SIL1: variants seen among roughly 807,000 people sequenced by gnomAD.
The protein encoded by SIL1 is nucleotide exchange factor SIL1.
SIL1 carries 40 observed loss-of-function variants against 49.1 expected under a neutral mutation model. That is an observed-to-expected ratio of 0.81 (90% confidence interval 0.63 to 1.06). The LOEUF (loss-of-function observed/expected upper bound fraction) is 1.06, where lower values mean the gene tolerates loss of function less well. SIL1 is among the 50% of genes least tolerant of loss of function. The pLI is 0.00. For missense variants in SIL1, 500 were observed against 572.6 expected, an observed-to-expected ratio of 0.87 and a Z score of 1.29; for synonymous variants, 253 against 250.8, an observed-to-expected ratio of 1.01 and a Z score of -0.08.
intron 7 of SIL1, among the ~76,000 whole-genome samples, chr5:139,008,827 T>C (rs1254377572): frequency 7.9e-5 from 12 of 152,298 alleles, no homozygotes; most frequent in Non-Finnish European, 1.3e-4. Context: ...GTCTGAGAGA[T>C]AGTTTGTTAT....
chr5:139,135,709 CAAA>C (rs34039650), intron 1 of SIL1, among the ~76,000 whole-genome samples: 2 of 96,350 alleles, frequency 2.1e-5, no homozygotes, highest in Non-Finnish European at 2.1e-5. Flanking sequence ...AACAAACTAG[CAAA>C]AAAAAAAAAA....
chr5:139,017,748 C>A (rs114836356), intron 7 of SIL1, among the ~76,000 whole-genome samples: 1 of 152,134 alleles, frequency 6.6e-6, no homozygotes, highest in African/African-American at 2.4e-5. Context: ...TTACAGAAGG[C>A]TGCCTGGCCT....
At chr5:139,164,699 G>A (rs1030916528) in intron 1 of SIL1, among the ~76,000 whole-genome samples, 3 of 152,194 alleles carry the variant, frequency 2.0e-5, no homozygotes, top group African/African-American at 7.2e-5. Context: ...AAGAAACTAA[G>A]TCACAGAAGT....
intron 7 of SIL1, among the ~76,000 whole-genome samples, chr5:138,992,974 A>G (rs1460960280): frequency 6.6e-6 from 1 of 152,246 alleles, no homozygotes; most frequent in East Asian, 1.9e-4. Context: ...TGTAACTGAA[A>G]GCTAGCTGAG....
chr5:139,155,478 A>AGAGAGAGAGAGAT (rs58862003), intron 1 of SIL1: 1 of 149,522 alleles, frequency 6.7e-6, no homozygotes, highest in Non-Finnish European at 1.5e-5. Context: ...AGAGAGAGAG[A>AGAGAGAGAGAGAT]ACGAGCTCTC....
intron 7 of SIL1, among the ~76,000 whole-genome samples, chr5:138,957,251 C>T (rs1766921880): frequency 6.6e-6 from 1 of 151,950 alleles, no homozygotes; most frequent in Non-Finnish European, 1.5e-5. Flanking sequence ...TTTCCTGAAA[C>T]CATTTCAGAC....
intron 1 of SIL1, among the ~76,000 whole-genome samples, chr5:139,144,830 CA>C (rs1746821936): frequency 6.6e-6 from 1 of 151,938 alleles, no homozygotes; most frequent in Non-Finnish European, 1.5e-5. Flanking sequence ...GAGACTGAGC[CA>C]CTGCACTCCA....
chr5:139,184,715 A>G (rs1334368490), intron 1 of SIL1, among the ~76,000 whole-genome samples: 1 of 152,190 alleles, frequency 6.6e-6, no homozygotes, highest in Non-Finnish European at 1.5e-5. Context: ...GGATGTCATA[A>G]GAATCAGACT....
chr5:139,196,011 C>G (rs1349086836), intron 1 of SIL1, among the ~76,000 whole-genome samples: 1 of 152,002 alleles, frequency 6.6e-6, no homozygotes, highest in Non-Finnish European at 1.5e-5. Flanking sequence ...ACAGCGAGAC[C>G]CTGTCTCTAC....
chr5:138,967,769 G>GC (rs1412300175), intron 7 of SIL1, among the ~76,000 whole-genome samples: 15 of 152,020 alleles, frequency 9.9e-5, no homozygotes, highest in Admixed American at 5.9e-4. Context: ...GGGAACAGCA[G>GC]CCCCCCCAGG....
intron 7 of SIL1, among the ~76,000 whole-genome samples, chr5:138,956,580 C>T (rs6864099): frequency 1.7e-4 from 26 of 151,970 alleles, no homozygotes; most frequent in African/African-American, 6.3e-4. Context: ...CCCGTCTCTA[C>T]TAAAAATACA....
intron 7 of SIL1, among the ~76,000 whole-genome samples, chr5:138,965,652 G>A (rs1767123621): frequency 7.2e-6 from 1 of 138,118 alleles, no homozygotes; most frequent in African/African-American, 2.7e-5. Context: ...CTGAGGGGCA[G>A]GAGATCCTGG....
At chr5:139,157,852 A>C (rs1363743346) in intron 1 of SIL1, among the ~76,000 whole-genome samples, 2 of 152,158 alleles carry the variant, frequency 1.3e-5, no homozygotes, top group African/African-American at 4.8e-5. Context: ...AATGTAGTAC[A>C]ATAATAGTTA....
chr5:139,195,545 G>A (rs545908501), intron 1 of SIL1, among the ~76,000 whole-genome samples: 2 of 152,070 alleles, frequency 1.3e-5, no homozygotes, highest in Admixed American at 6.5e-5. Context: ...CCACCACCTC[G>A]CCCGGGTAAT....
intron 2 of SIL1, among the ~76,000 whole-genome samples, chr5:139,126,615 G>C (rs1202486724): frequency 2.6e-5 from 4 of 152,162 alleles, no homozygotes; most frequent in South Asian, 4.1e-4. Flanking sequence ...TGTCCTTGAA[G>C]AAGAGGCAAA....
intron 7 of SIL1, among the ~76,000 whole-genome samples, chr5:138,985,005 G>C (rs1313919628): frequency 6.6e-6 from 1 of 152,240 alleles, no homozygotes; most frequent in Non-Finnish European, 1.5e-5. Context: ...AGAGCAGCTA[G>C]AGGGGCCGAG....
In SIL1 at chr5:138,948,606, C is replaced by T. The variant is rs1314289875; in HGVS notation, c.1030-1133G>A. Reference sequence around the variant, plus strand: ...AACTCTCCCCTGGGGCCTCTGGAGGCGCAGCTCCGACTTCCAGGTGCACCC... The same window carrying T: ...AACTCTCCCCTGGGGCCTCTGGAGGTGCAGCTCCGACTTCCAGGTGCACCC... On this transcript the variant is annotated intron_variant, in intron 9 of 9. Coordinates refer to ENST00000394817, the MANE Select transcript of SIL1 (RefSeq NM_022464.5). The surrounding 1 kb of genome is among the most constrained non-coding windows in gnomAD (Gnocchi z 4.8). Among the ~76,000 whole-genome samples, 6 of 143,364 alleles carry T rather than the reference C, an allele frequency of 4.2e-5. No homozygotes were observed. The highest frequency in any genetic ancestry group is 1.4e-4 in the Admixed American group (2 of 14,102). The allele number at this position is 143,364 out of a possible 152,430, so 94.1% of individuals were successfully genotyped here.
intron 1 of SIL1, chr5:139,137,216 T>C (rs1008986257): frequency 1.5e-6 from 1 of 648,072 alleles, no homozygotes; most frequent in Non-Finnish European, 2.8e-6. Context: ...GAACTTTCCA[T>C]GTTGCAAGCA....
At chr5:139,123,794 C>G (rs561334942) in intron 2 of SIL1, among the ~76,000 whole-genome samples, 8 of 152,350 alleles carry the variant, frequency 5.3e-5, no homozygotes, top group African/African-American at 1.7e-4. Context: ...TGGTCTACCA[C>G]TGTCACGCAG....
Sources: allele counts gnomAD v4.1 joint callset (sites outside exome capture counted in the v4.1 genomes callset), GRCh38; gene constraint gnomAD v4.1.1; non-coding constraint Gnocchi (gnomAD v3.1); transcripts MANE v1.5; gene names NCBI Gene and HGNC (gene_info 2026-07-23, HGNC 2026-07-21).